Variants in NEK6 observed in about 807,000 individuals in gnomAD.
The protein encoded by NEK6 is NIMA related kinase 6, also known as serine/threonine-protein kinase Nek6.
NEK6 carries 27 observed loss-of-function variants against 43.5 expected under a neutral mutation model. The ratio of observed to expected loss-of-function variants is 0.62; its 90% CI spans 0.46 to 0.86. NEK6 has a LOEUF of 0.86. Ranked by LOEUF, NEK6 falls within the 40% of genes least tolerant of loss-of-function variation. The pLI, the probability that NEK6 is intolerant of heterozygous loss-of-function variation, is 0.00. For missense variants in NEK6, 318 were observed against 414.4 expected (o/e 0.77, Z 2.02); for synonymous variants, 167 against 164.1 (o/e 1.02, Z -0.14).
intron 7 of NEK6, among the ~76,000 whole-genome samples, chr9:124,327,653 C>A (rs1007435617): frequency 9.9e-5 from 15 of 152,234 alleles, no homozygotes; most frequent in Non-Finnish European, 1.8e-4. Context: ...TCCCACACCC[C>A]CTGATCACCT....
At chr9:124,281,369 C>A (rs1325908956) in intron 1 of NEK6, among the ~76,000 whole-genome samples, 1 of 152,174 alleles carries the variant, frequency 6.6e-6, no homozygotes, top group South Asian at 2.1e-4. Flanking sequence ...TCCACTGGTT[C>A]CCAAATCCCA....
intron 7 of NEK6, among the ~76,000 whole-genome samples, chr9:124,333,319 G>T: frequency 6.6e-6 from 1 of 152,214 alleles, no homozygotes; most frequent in Non-Finnish European, 1.5e-5. Flanking sequence ...TGCTGTATCT[G>T]CTCCTGTAGC....
chr9:124,258,439 C>T lies in NEK6; in HGVS notation c.-30+354C>T, dbSNP rs557779025. ...GGGGACGACGGGCGGAGGAGTGTGC[C>T]GGGCGCCGCAGGGAGTACGTGCGGG... On this transcript the variant is annotated intron_variant, in intron 1 of 9. Transcript: ENST00000320246. 30 of 777,436 alleles carry T rather than the reference C, an allele frequency of 3.9e-5. No individual in the cohort carries two copies. The East Asian group carries it at 1.4e-3, about 36-fold the overall frequency. 48.2% of individuals were successfully genotyped at this position (777,436 alleles called of 1,614,324 possible). A position where few individuals can be genotyped will look rare whatever the true frequency, so the allele number is the denominator to read the frequency against.
At chr9:124,335,552 T>TA (rs1467369734) in intron 7 of NEK6, among the ~76,000 whole-genome samples, 2 of 152,218 alleles carry the variant, frequency 1.3e-5, no homozygotes, top group African/African-American at 4.8e-5. Context: ...CAGCCATCAG[T>TA]TAAATGAGCA....
At chr9:124,327,640 G>A (rs1326359653) in intron 7 of NEK6, among the ~76,000 whole-genome samples, 195 bp downstream of exon 7, 1 of 152,222 alleles carries the variant, frequency 6.6e-6, no homozygotes, top group East Asian at 1.9e-4. Flanking sequence ...CCCAGCTGGG[G>A]CTTCCCACAC....
At chr9:124,333,754 AG>A (rs1829141971) in intron 7 of NEK6, among the ~76,000 whole-genome samples, 1 of 149,756 alleles carries the variant, frequency 6.7e-6, no homozygotes, top group South Asian at 2.1e-4. Flanking sequence ...ATTCAGCTGC[AG>A]CATGGATCAT....
chr9:124,343,689 C>T lies in NEK6; in HGVS notation c.718-4020C>T, dbSNP rs575413981. Among the ~76,000 whole-genome samples, 3 of 152,324 alleles carry T rather than the reference C, an allele frequency of 2.0e-5. No individual in the cohort carries two copies. The highest frequency in any genetic ancestry group is 7.2e-5 in the African/African-American group (3 of 41,570). ...CCGCCCCACAGCCTGTGGTGTCTTC[C>T]AGGGGCACCAGCCTGAAGAGCTGTG... On this transcript the variant is annotated intron_variant, in intron 8 of 9. Coordinates refer to ENST00000320246, the MANE Select transcript of NEK6 (RefSeq NM_014397.6). The surrounding 1 kb of genome is among the most constrained non-coding windows in gnomAD (Gnocchi z 5.1).
At chr9:124,335,831 C>T (rs777514829) in intron 7 of NEK6, among the ~76,000 whole-genome samples, 5 of 152,204 alleles carry the variant, frequency 3.3e-5, no homozygotes, top group Non-Finnish European at 5.9e-5. Context: ...AAAACAAGGC[C>T]GGATGCAGTG....
intron 5 of NEK6, among the ~76,000 whole-genome samples, chr9:124,325,009 T>C (rs1277942732): frequency 6.6e-6 from 1 of 152,076 alleles, no homozygotes; most frequent in South Asian, 2.1e-4. Context: ...ACCCCATCTC[T>C]ACTAAAAATA....
intron 4 of NEK6, among the ~76,000 whole-genome samples, chr9:124,319,674 C>T (rs1833975607): frequency 6.6e-6 from 1 of 152,182 alleles, no homozygotes; most frequent in African/African-American, 2.4e-5. Flanking sequence ...CTGCATATAG[C>T]TAGCCAGTTA....
intron 1 of NEK6, among the ~76,000 whole-genome samples, chr9:124,263,669 T>C (rs1831120007): frequency 6.6e-6 from 1 of 152,166 alleles, no homozygotes; most frequent in South Asian, 2.1e-4. Flanking sequence ...TGCCCCTGCA[T>C]TGAGGCCCTA....
rs201833354 is a variant in NEK6 at position 124,339,638 on chromosome 9, C to G, written c.690C>G (p.Ile230Met). ...ACGGCTACAACTTCAAGTCCGACAT[C>G]TGGTCCCTGGGCTGTCTGCTGTACG... ...HENGYNFKSD[I>M]WSLGCLLYEM... The change falls in exon 8 of 10, where the codon ATC becomes ATG. Residue 230 changes from isoleucine (I) to methionine (M), a missense_variant. By Grantham distance (10) the Ile-to-Met change is conservative. Around this residue, in one of 2 missense-constraint regions of NEK6, gnomAD observed 239 missense variants for 344.4 expected, o/e 0.69. Transcript: ENST00000320246. 6.0e-5 allele frequency: 97 copies of G among 1,614,034 alleles called. No homozygotes were observed. Among genetic ancestry groups the G allele is most frequent in the Non-Finnish European group, 8.2e-5 (97 of 1,179,876 alleles).
chr9:124,342,691 G>A (rs1466991641), intron 8 of NEK6, among the ~76,000 whole-genome samples: 1 of 152,258 alleles, frequency 6.6e-6, no homozygotes, highest in East Asian at 1.9e-4. Flanking sequence ...CTCCGAGGAG[G>A]CTCCACTTTG....
rs139705382 is a variant in NEK6 at position 124,344,660 on chromosome 9, C to T, written c.718-3049C>T. On this transcript the variant is annotated intron_variant, in intron 8 of 9. Transcript: ENST00000320246. ...GGAGGTGCCCAGCGGGCTGCCCGCT[C>T]TGCAGGACTGATTTTTATCTATGTG... is the stretch of plus-strand genomic sequence containing the variant. 2.2e-3 allele frequency among the ~76,000 whole-genome samples: 339 copies of T among 152,362 alleles called. 1 individual carries two copies. The highest frequency in any genetic ancestry group is 7.6e-3 in the African/African-American group (317 of 41,594).
At chr9:124,339,814 C>T (rs1829501178) in intron 8 of NEK6, 149 bp downstream of exon 8, 2 of 654,080 alleles carry the variant, frequency 3.1e-6, no homozygotes, top group Admixed American at 4.5e-5. Context: ...CCCTGTCCTT[C>T]ACCCTCCTCA....
chr9:124,330,474 G>A (rs1320884572), intron 7 of NEK6, among the ~76,000 whole-genome samples: 2 of 152,136 alleles, frequency 1.3e-5, no homozygotes, highest in Non-Finnish European at 2.9e-5. Flanking sequence ...GACAGTCTCG[G>A]TGACAGGCAG....
chr9:124,331,827 G>A (rs1829014037), intron 7 of NEK6, among the ~76,000 whole-genome samples: 1 of 152,210 alleles, frequency 6.6e-6, no homozygotes, highest in Non-Finnish European at 1.5e-5. Context: ...GTGCAGGTGC[G>A]GAGGGCCATG....
At chr9:124,278,997 G>C (rs1048398617) in intron 1 of NEK6, among the ~76,000 whole-genome samples, 1 of 152,140 alleles carries the variant, frequency 6.6e-6, no homozygotes, top group African/African-American at 2.4e-5. Context: ...CTGGTTTTCT[G>C]ATCACAAAAG....
intron 4 of NEK6, among the ~76,000 whole-genome samples, chr9:124,319,759 GC>G (rs1164363974): frequency 2.0e-5 from 3 of 152,210 alleles, no homozygotes; most frequent in African/African-American, 7.2e-5. Flanking sequence ...TAGGTATGCT[GC>G]TTTATTTCTG....
Sources: gnomAD v4.1 joint callset for allele counts (sites outside exome capture counted in the v4.1 genomes callset) on GRCh38, gnomAD v4.1.1 for gene constraint, gnomAD v4.1.1 regional missense constraint, Gnocchi (gnomAD v3.1) non-coding constraint, MANE v1.5 for transcripts, NCBI Gene and HGNC (gene_info 2026-07-23, HGNC 2026-07-21) for gene names.